Variants in DIP2A observed in about 807,000 individuals in gnomAD.
The protein encoded by DIP2A is DIP2 acetate--CoA ligase A, also known as disco-interacting protein 2 homolog A.
DIP2A carries 85 observed loss-of-function variants against 177.4 expected under a neutral mutation model. The observed-to-expected ratio is 0.48, with a 90% CI of 0.40 to 0.57. The LOEUF (loss-of-function observed/expected upper bound fraction) is 0.57. Among genes scored for constraint, DIP2A ranks in the 20% least tolerant of loss-of-function variants. DIP2A has a pLI of 0.00. For synonymous variants in DIP2A, 886 were observed against 881.8 expected (o/e 1.00, Z -0.08); for missense variants, 1,791 against 2,100.2 (o/e 0.85, Z 2.88).
chr21:46,561,404 CTG>C (rs770616678), intron 33 of DIP2A: 11 of 372,388 alleles, frequency 3.0e-5, no homozygotes, highest in Middle Eastern at 8.7e-4. Flanking sequence ...GATCCCAGTC[CTG>C]GATTCTCAAG....
intron 28 of DIP2A, 83 bp from the exon 29 acceptor site, chr21:46,555,899 G>A (rs1354157224): frequency 7.8e-6 from 8 of 1,023,454 alleles, no homozygotes; most frequent in Admixed American, 1.7e-5. Context: ...GACAAATCAT[G>A]TGTCGCCTCT....
intron 26 of DIP2A, 140 bp downstream of exon 26, chr21:46,554,432 A>G (rs1379917887): frequency 1.9e-6 from 3 of 1,542,134 alleles, no homozygotes; most frequent in South Asian, 1.2e-5. Flanking sequence ...CTGCCTCCTC[A>G]GCTCAGCTAC....
chr21:46,530,617 A>G (rs549657858), intron 9 of DIP2A, among the ~76,000 whole-genome samples: 1 of 152,372 alleles, frequency 6.6e-6, no homozygotes, highest in African/African-American at 2.4e-5. Flanking sequence ...GACTCGATCA[A>G]GAAGACACAA....
intron 1 of DIP2A, among the ~76,000 whole-genome samples, chr21:46,463,865 C>T (rs572311631): frequency 1.3e-5 from 2 of 151,818 alleles, no homozygotes; most frequent in Non-Finnish European, 2.9e-5. Flanking sequence ...CACGCCATCA[C>T]GCCTGGCTAG....
chr21:46,539,813 A>G (rs902288187), intron 16 of DIP2A, 64 bp from the exon 17 acceptor site: 6 of 1,356,528 alleles, frequency 4.4e-6, no homozygotes, highest in Non-Finnish European at 6.3e-6. Flanking sequence ...GAGCATGTCC[A>G]GCCACCCCTT....
At position 46,487,856 on chromosome 21, in the gene DIP2A, T is replaced by G. The variant is rs145797108; in HGVS notation, c.164-2744T>G. Among the ~76,000 whole-genome samples the G allele has an allele frequency of 1.2e-3, 182 of 152,292 alleles. 1 individual carries two copies. The highest frequency in any genetic ancestry group is 4.1e-3 in the African/African-American group (169 of 41,570). Reference sequence around the variant, plus strand: ...TACCAGTTTCCTAACTGGAAAAACTTAATACATCCTATAAAACTGGCAGAT... The same window carrying G: ...TACCAGTTTCCTAACTGGAAAAACTGAATACATCCTATAAAACTGGCAGAT... On this transcript the variant is annotated intron_variant, in intron 2 of 37. Coordinates refer to ENST00000417564, the MANE Select transcript of DIP2A (RefSeq NM_015151.4).
intron 8 of DIP2A, among the ~76,000 whole-genome samples, chr21:46,528,792 T>G (rs545203528): frequency 6.6e-5 from 10 of 152,126 alleles, no homozygotes; most frequent in African/African-American, 2.4e-4. Context: ...CCTTCCAAAG[T>G]ACAGGGATTA....
intron 3 of DIP2A, among the ~76,000 whole-genome samples, chr21:46,495,268 C>G (rs2057288646): frequency 6.9e-6 from 1 of 145,982 alleles, no homozygotes; most frequent in Non-Finnish European, 1.5e-5. Flanking sequence ...CTCTCTCTCT[C>G]TCTCTCTCTC....
At chr21:46,514,105 A>G (rs1266687294) in intron 8 of DIP2A, among the ~76,000 whole-genome samples, 1 of 152,104 alleles carries the variant, frequency 6.6e-6, no homozygotes, top group Non-Finnish European at 1.5e-5. Context: ...TGTTGCTTAT[A>G]TATAGAATTG....
chr21:46,535,261 A>G (rs533107189), intron 13 of DIP2A, among the ~76,000 whole-genome samples: 34 of 152,288 alleles, frequency 2.2e-4, no homozygotes, highest in Non-Finnish European at 4.7e-4. Flanking sequence ...GATATCTTTA[A>G]ATTAATATTA....
At chr21:46,574,601 C>G (rs1188827689), downstream of DIP2A, among the ~76,000 whole-genome samples, 2 of 151,960 alleles carry the variant, frequency 1.3e-5, no homozygotes, top group Non-Finnish European at 2.9e-5. Context: ...AGACAGATTA[C>G]TAAAATCAGA....
rs1366589319 is a variant in DIP2A, at chr21:46,522,558, A to G, written c.1103-6534A>G. ...TCAGTGGGGCTTGGGGGACATTTCC[A>G]TACCTTCTAGGTGGCCAAGAGCATG... On this transcript the variant is annotated intron_variant, in intron 8 of 37. Coordinates refer to ENST00000417564, the MANE Select transcript of DIP2A (RefSeq NM_015151.4). Among the ~76,000 whole-genome samples the G allele has an allele frequency of 6.6e-5, 10 of 152,222 alleles. No individual in the cohort carries two copies. In the East Asian group the frequency reaches 1.7e-3, roughly 26 times the overall value.
downstream of DIP2A, among the ~76,000 whole-genome samples, chr21:46,573,645 CA>C (rs201994694): frequency 7.2e-4 from 38 of 52,970 alleles, no homozygotes; most frequent in East Asian, 1.3e-3. Flanking sequence ...CCCTCTCTCA[CA>C]AAAAAAAAAA....
At chr21:46,488,910 G>A (rs1331788085) in intron 2 of DIP2A, among the ~76,000 whole-genome samples, 2 of 152,200 alleles carry the variant, frequency 1.3e-5, no homozygotes, top group Non-Finnish European at 2.9e-5. Context: ...CAAGTGTAAG[G>A]AAGTCCGTCT....
chr21:46,461,022 A>G (rs1437199150), intron 1 of DIP2A, among the ~76,000 whole-genome samples: 1 of 151,420 alleles, frequency 6.6e-6, no homozygotes, highest in African/African-American at 2.4e-5. Context: ...ATGGAAGTAC[A>G]GGCTGAGTAC....
chr21:46,529,257 G>T (rs753149153), intron 9 of DIP2A, 74 bp downstream of exon 9: 3 of 947,750 alleles, frequency 3.2e-6, no homozygotes, highest in Non-Finnish European at 4.8e-6. Context: ...ATTGAAATTA[G>T]TGTTCTATCA....
At chr21:46,515,170 CG>C (rs1569014909) in intron 8 of DIP2A, among the ~76,000 whole-genome samples, 1 of 152,208 alleles carries the variant, frequency 6.6e-6, no homozygotes, top group African/African-American at 2.4e-5. Flanking sequence ...GTTAAACCAG[CG>C]TTCAAATCTA....
rs142449270 is a variant in DIP2A at position 46,547,594 on chromosome 21, T to TA, written c.2522+552_2522+553insA. ...AAGCTCCTTGTCTGGGAGGAAGCTC[T>TA]TCCCCTAACTGGTCCACTCAACCAG... On this transcript the variant is annotated intron_variant, in intron 21 of 37. Transcript: ENST00000417564. Among the ~76,000 whole-genome samples, 66 of 151,588 alleles carry TA rather than the reference T, an allele frequency of 4.4e-4. No homozygotes were observed. The East Asian group carries it at 0.012, about 28-fold the overall frequency.
At chr21:46,511,139 G>A (rs2058290807) in intron 7 of DIP2A, among the ~76,000 whole-genome samples, 1 of 152,030 alleles carries the variant, frequency 6.6e-6, no homozygotes, top group African/African-American at 2.4e-5. Flanking sequence ...TTGGGAAAGT[G>A]GGAACCACTC....
Sources: allele counts gnomAD v4.1 joint callset (sites outside exome capture counted in the v4.1 genomes callset), GRCh38; gene constraint gnomAD v4.1.1; transcripts MANE v1.5; gene names NCBI Gene and HGNC (gene_info 2026-07-23, HGNC 2026-07-21).